CCDC73: variants seen among roughly 807,000 people sequenced by gnomAD.
The protein encoded by CCDC73 is coiled-coil domain-containing protein 73.
In CCDC73, 95 loss-of-function variants were observed where a neutral mutation model predicts 116.5. That is an observed-to-expected ratio of 0.82 (90% CI 0.69 to 0.97). The LOEUF (loss-of-function observed/expected upper bound fraction) is 0.97. Among genes scored for constraint, CCDC73 ranks in the 50% least tolerant of loss-of-function variants. The pLI is 0.00. For missense variants in CCDC73, 1,066 were observed against 1,206.8 expected (o/e 0.88, Z 1.73); for synonymous variants, 398 against 401.3 (o/e 0.99, Z 0.10).
chr11:32,603,008 G>A lies in CCDC73; in HGVS notation c.3043C>T (p.Pro1015Ser). The stretch of plus-strand genomic sequence containing the variant: ...CTTTGTAGTGGAGTTGATATCAGAG[G>A]CTTTGTTTTCACCTGGGAAAGATAA... ...SFPTEHVKTK[P>S]LISTPLQSHL... Residue 1015 changes from proline to serine, a missense_variant, in exon 18 of 18, where the codon CCT (proline) becomes TCT (serine). Pro to Ser is a moderately conservative substitution (Grantham distance 74, BLOSUM62 -1). Coordinates refer to ENST00000335185, the MANE Select transcript of CCDC73 (RefSeq NM_001008391.4). 6.3e-7 allele frequency: 1 copy of A among 1,592,748 alleles called. No individual in the cohort carries two copies. Among genetic ancestry groups the A allele is most frequent in the Non-Finnish European group, 8.5e-7 (1 of 1,174,706 alleles).
At chr11:32,661,261 T>C (rs1249442038) in intron 9 of CCDC73, among the ~76,000 whole-genome samples, 4 of 152,178 alleles carry the variant, frequency 2.6e-5, no homozygotes, top group African/African-American at 4.8e-5. Flanking sequence ...TTTTTTAAGC[T>C]TTTAATTTTT....
chr11:32,743,748 C>T (rs1322006318), intron 2 of CCDC73, among the ~76,000 whole-genome samples: 2 of 152,136 alleles, frequency 1.3e-5, no homozygotes. Flanking sequence ...GATTTTTGCA[C>T]ATTGATTTTG....
the CCDC73 span, among the ~76,000 whole-genome samples, chr11:32,807,317 C>T: frequency 6.6e-6 from 1 of 152,276 alleles, no homozygotes; most frequent in East Asian, 1.9e-4. Flanking sequence ...ACTCTTTCGG[C>T]CTGCACCACT....
At chr11:32,767,878 G>T (rs984614649) in intron 1 of CCDC73, among the ~76,000 whole-genome samples, 35 of 152,092 alleles carry the variant, frequency 2.3e-4, no homozygotes, top group African/African-American at 7.5e-4. Context: ...TTGGTGGGAC[G>T]GTAAACTAGT....
intron 14 of CCDC73, 69 bp from the exon 15 acceptor site, chr11:32,616,198 A>G: frequency 6.4e-6 from 9 of 1,398,418 alleles, no homozygotes; most frequent in Non-Finnish European, 8.6e-6. Context: ...AGCAAATGTG[A>G]TAAATGTGGA....
At chr11:32,654,099 C>T in intron 10 of CCDC73, 62 bp from the exon 11 acceptor site, 1 of 1,424,946 alleles carries the variant, frequency 7.0e-7, no homozygotes, top group Non-Finnish European at 9.5e-7. Context: ...ACATTCAATT[C>T]AGTACTAAAC....
rs1253334090 is a variant in CCDC73 at position 32,715,132 on chromosome 11, T to C, written c.207+2944A>G. 3.3e-5 allele frequency among the ~76,000 whole-genome samples: 5 copies of C among 152,142 alleles called. No homozygotes were observed. The East Asian group carries it at 7.7e-4, about 23-fold the overall frequency. ...TCTTTATTTTCTGAGGTACTTTCTT[T>C]CCCCTTTCTTAATCCAGCCCCTTAA... On this transcript the variant is annotated intron_variant, in intron 3 of 17. Transcript: ENST00000335185.
At chr11:32,744,483 G>T (rs1272618048) in intron 2 of CCDC73, among the ~76,000 whole-genome samples, 2 of 152,204 alleles carry the variant, frequency 1.3e-5, no homozygotes, top group Non-Finnish European at 2.9e-5. Context: ...AGAAGGAATG[G>T]TGTCAGCTCC....
intron 2 of CCDC73, among the ~76,000 whole-genome samples, chr11:32,759,034 T>C (rs1001064409): frequency 6.6e-6 from 1 of 152,042 alleles, no homozygotes; most frequent in African/African-American, 2.4e-5. Flanking sequence ...ATAAAAATGT[T>C]GTTTCAGATC....
intron 2 of CCDC73, among the ~76,000 whole-genome samples, chr11:32,723,227 ATG>A (rs1249871751): frequency 3.3e-5 from 5 of 152,212 alleles, no homozygotes; most frequent in Non-Finnish European, 5.9e-5. Context: ...AAACAAAAGA[ATG>A]TAAGAATTGC....
At chr11:32,818,118 T>C in the CCDC73 span, among the ~76,000 whole-genome samples, 2 of 152,250 alleles carry the variant, frequency 1.3e-5, no homozygotes, top group African/African-American at 4.8e-5. Flanking sequence ...TTGCTTCAAA[T>C]GCTCCCTCCT....
chr11:32,677,955 CAAA>C (rs34907847), intron 7 of CCDC73, among the ~76,000 whole-genome samples: 1,180 of 64,220 alleles, frequency 0.018, 21 homozygotes, highest in African/African-American at 0.07. Context: ...GATTCCATCT[CAAA>C]AAAAAAAAAA....
intron 2 of CCDC73, among the ~76,000 whole-genome samples, chr11:32,733,989 T>G (rs1340391514): frequency 2.0e-5 from 3 of 152,148 alleles, no homozygotes; most frequent in Admixed American, 2.0e-4. Context: ...AGGAGCTGGT[T>G]TTTTGAAAAG....
At chr11:32,705,431 T>A (rs1484220776) in intron 3 of CCDC73, among the ~76,000 whole-genome samples, 1 of 152,170 alleles carries the variant, frequency 6.6e-6, no homozygotes, top group African/African-American at 2.4e-5. Flanking sequence ...CCACTTGCAG[T>A]ACGTCTGCTC....
At chr11:32,755,609 ATG>A (rs200802350) in intron 2 of CCDC73, among the ~76,000 whole-genome samples, 26,982 of 59,902 alleles carry the variant, frequency 0.45, 9,642 homozygotes, top group East Asian at 0.86. Context: ...ATCCATATAT[ATG>A]TGTGTGTATA....
chr11:32,785,401 T>C (rs921376264), intron 1 of CCDC73, among the ~76,000 whole-genome samples: 16 of 152,076 alleles, frequency 1.1e-4, no homozygotes, highest in African/African-American at 3.9e-4. Context: ...TTTCTTTTAT[T>C]TTTTGTTTTT....
intron 2 of CCDC73, among the ~76,000 whole-genome samples, chr11:32,731,069 C>T (rs1850072792): frequency 6.6e-6 from 1 of 152,196 alleles, no homozygotes; most frequent in South Asian, 2.1e-4. Context: ...CAGGTCACTC[C>T]CACCCTAATA....
At chr11:32,625,262 G>T (rs1345691792) in intron 14 of CCDC73, among the ~76,000 whole-genome samples, 1 of 152,152 alleles carries the variant, frequency 6.6e-6, no homozygotes, top group Non-Finnish European at 1.5e-5. Context: ...TTTAATTGGA[G>T]TATTTAGGCC....
intron 2 of CCDC73, among the ~76,000 whole-genome samples, chr11:32,748,580 G>C (rs1292151499): frequency 6.6e-6 from 1 of 152,084 alleles, no homozygotes; most frequent in East Asian, 1.9e-4. Context: ...TAAGATATAA[G>C]TAGTTTACAC....
Sources: gnomAD v4.1 joint callset for allele counts (sites outside exome capture counted in the v4.1 genomes callset) on GRCh38, gnomAD v4.1.1 for gene constraint, MANE v1.5 for transcripts, NCBI Gene and HGNC (gene_info 2026-07-23, HGNC 2026-07-21) for gene names.